The following MOV10L1 variants were observed in gnomAD, a reference collection of about 807,000 sequenced individuals.
The protein encoded by MOV10L1 is Mov10 like RNA helicase 1.
In MOV10L1, 110 loss-of-function variants were observed where a neutral mutation model predicts 143.8. That is an observed-to-expected ratio of 0.76 (90% CI 0.66 to 0.90). The LOEUF (loss-of-function observed/expected upper bound fraction) is 0.90. MOV10L1 is among the 40% of genes least tolerant of loss of function. The probability of loss-of-function intolerance (pLI) is 0.00; values close to 1 mark genes in which losing one functional copy is unlikely to be tolerated. For missense variants in MOV10L1, 1,406 were observed against 1,526.8 expected (o/e 0.92, Z 1.32); for synonymous variants, 593 against 581.1 (o/e 1.02, Z -0.29).
At chr22:50,118,098 A>C (rs538671526) in intron 9 of MOV10L1, among the ~76,000 whole-genome samples, 2 of 152,178 alleles carry the variant, frequency 1.3e-5, no homozygotes, top group African/African-American at 2.4e-5. Context: ...CTGAATTTCA[A>C]ATCACGTGTT....
intron 15 of MOV10L1, among the ~76,000 whole-genome samples, chr22:50,135,942 T>G (rs1384706469): frequency 6.6e-6 from 1 of 152,138 alleles, no homozygotes; most frequent in East Asian, 1.9e-4. Context: ...ACTTATTTTG[T>G]GCTATTCAAA....
At position 50,090,189 on chromosome 22, in the gene MOV10L1, G is replaced by A; in HGVS notation, c.97+4G>A. On this transcript the variant is annotated splice_donor_region_variant and intron_variant, in intron 1 of 26. Transcript: ENST00000262794. ...CTGGAGCCCGAGCTCGCGGAAGGTG[G>A]CTCGCGGGAGGCGGCTGGGAGGCGG... The A allele has an allele frequency of 7.1e-7, 1 of 1,416,688 alleles. No homozygotes were observed. The allele number at this position is 1,416,688 out of a possible 1,614,324, so 87.8% of individuals were successfully genotyped here.
In MOV10L1 at chr22:50,090,054, G is replaced by GCGGCGATGA. The variant is rs1555970921; in HGVS notation, c.-30_-29insATGACGGCG. The stretch of plus-strand genomic sequence containing the variant: ...GCGCGGGCGCGTGCGGGCGGCGGCA[G>GCGGCGATGA]CGGCGGTGACGGCAGCCTAGGCCGG... On this transcript the variant is annotated 5_prime_UTR_variant, in exon 1 of 27. The change creates a new upstream start codon in the 5' untranslated region. Transcript: ENST00000262794. 53 of 789,024 alleles carry GCGGCGATGA rather than the reference G, an allele frequency of 6.7e-5. No homozygotes were observed. The highest frequency in any genetic ancestry group is 7.5e-5 in the Non-Finnish European group (47 of 628,752). 48.9% of individuals were successfully genotyped at this position (789,024 alleles called of 1,614,324 possible).
intron 22 of MOV10L1, among the ~76,000 whole-genome samples, chr22:50,153,583 A>C (rs1266660474): frequency 6.6e-6 from 1 of 152,036 alleles, no homozygotes; most frequent in Non-Finnish European, 1.5e-5. Context: ...AGAGGCCACC[A>C]CCGCCTCCCT....
intron 2 of MOV10L1, chr22:50,095,222 A>C (rs923439605): frequency 2.0e-5 from 3 of 152,216 alleles, no homozygotes; most frequent in African/African-American, 7.2e-5. Context: ...TTCATGCTGC[A>C]GACCTGATGC....
At chr22:50,102,457 A>G (rs954632803) in intron 3 of MOV10L1, among the ~76,000 whole-genome samples, 3 of 152,220 alleles carry the variant, frequency 2.0e-5, no homozygotes, top group Non-Finnish European at 2.9e-5. Flanking sequence ...GAATTATGCT[A>G]AATTTTTCAT....
At chr22:50,117,087 C>A in intron 8 of MOV10L1, 70 bp from the exon 9 acceptor site, 1 of 1,447,186 alleles carries the variant, frequency 6.9e-7, no homozygotes, top group Non-Finnish European at 9.4e-7. Context: ...CTTGTATGTA[C>A]AAAGGAAAAT....
chr22:50,101,290 A>G (rs970726938), intron 3 of MOV10L1, among the ~76,000 whole-genome samples: 1 of 152,112 alleles, frequency 6.6e-6, no homozygotes, highest in African/African-American at 2.4e-5. Context: ...ATCTTGGCTT[A>G]CTTCAAGCTC....
At chr22:50,108,908 G>C in intron 5 of MOV10L1, 64 bp downstream of exon 5, 1 of 1,517,542 alleles carries the variant, frequency 6.6e-7, no homozygotes, top group South Asian at 1.2e-5. Flanking sequence ...ACTTTGGGAG[G>C]CTGAGGCAGA....
At chr22:50,107,069 GTTTTCTTTC>G (rs992455108) in intron 3 of MOV10L1, among the ~76,000 whole-genome samples, 8 of 150,708 alleles carry the variant, frequency 5.3e-5, no homozygotes, top group African/African-American at 1.7e-4. Flanking sequence ...AGTGTCTTCT[GTTTTCTTTC>G]TTTTCTTTTT....
chr22:50,105,971 C>T (rs577451128), intron 3 of MOV10L1, among the ~76,000 whole-genome samples: 3 of 152,334 alleles, frequency 2.0e-5, no homozygotes, highest in Admixed American at 6.5e-5. Context: ...GCTGTCTCAG[C>T]TTCCTGACCT....
In MOV10L1 at chr22:50,125,553, G is replaced by A. The variant is rs1213146887; in HGVS notation, c.1731G>A (p.Arg577=). The change falls in exon 11 of 27, where the codon AGG becomes AGA. Residue 577 remains arginine, a synonymous_variant. Transcript: ENST00000262794. The part of the protein sequence containing the change: ...VLEVPGLAEG[R]PSLYAGDKLI... ...AGGTCCCAGGGTTGGCCGAAGGGAG[G>A]CCTTCTCTCTACGCAGGTGTGTTTG... 3.7e-6 allele frequency: 6 copies of A among 1,614,120 alleles called. 1 individual carries two copies. In the South Asian group the frequency reaches 6.6e-5, roughly 18 times the overall value.
chr22:50,130,359 A>T (rs193275458), intron 13 of MOV10L1, among the ~76,000 whole-genome samples: 20 of 152,126 alleles, frequency 1.3e-4, no homozygotes, highest in East Asian at 3.9e-4. Flanking sequence ...AATTTATCAA[A>T]TTTTTTTTAA....
chr22:50,135,635 C>A (rs1413606101), intron 15 of MOV10L1, among the ~76,000 whole-genome samples: 1 of 151,218 alleles, frequency 6.6e-6, no homozygotes, highest in Non-Finnish European at 1.5e-5. Context: ...CCTGTAATCC[C>A]AGCTACTCAG....
intron 2 of MOV10L1, chr22:50,092,637 CAATA>C (rs931516050): frequency 3.8e-5 from 6 of 157,636 alleles, no homozygotes; most frequent in African/African-American, 1.2e-4. Context: ...GACCCTGTCT[CAATA>C]AATAAACAAA....
At position 50,152,191 on chromosome 22, in the gene MOV10L1, A is replaced by G. The variant is rs987823866; in HGVS notation, c.2893-854A>G. ...TCACCAACAGGGGCTTTGTTAACTC[A>G]TCCCAAGGAGGGAGAGCCCTAGGCT... On this transcript the variant is annotated intron_variant, in intron 21 of 26. Transcript: ENST00000262794. This position sits in a 1 kb window ranked among gnomAD's most constrained non-coding sequence, Gnocchi z 4.4. Among the ~76,000 whole-genome samples, 1 of 152,228 alleles carries G rather than the reference A, an allele frequency of 6.6e-6. No individual in the cohort carries two copies. The highest frequency in any genetic ancestry group is 2.4e-5 in the African/African-American group (1 of 41,458).
chr22:50,151,582 G>A (rs966546078), intron 21 of MOV10L1, among the ~76,000 whole-genome samples: 5 of 152,182 alleles, frequency 3.3e-5, no homozygotes, highest in African/African-American at 1.2e-4. Flanking sequence ...AGACAGGACC[G>A]GCTGTGCCAG....
At chr22:50,117,474 G>T in intron 9 of MOV10L1, 123 bp downstream of exon 9, 11 of 983,750 alleles carry the variant, frequency 1.1e-5, no homozygotes, top group Non-Finnish European at 1.6e-5. Context: ...GATGAAGCTG[G>T]GGTTCAAGCC....
intron 15 of MOV10L1, among the ~76,000 whole-genome samples, chr22:50,140,671 T>C (rs1214346053): frequency 6.6e-6 from 1 of 152,230 alleles, no homozygotes; most frequent in Non-Finnish European, 1.5e-5. Context: ...GGCCGCTGGT[T>C]GGACAAGCCT....
Sources: allele counts gnomAD v4.1 joint callset (sites outside exome capture counted in the v4.1 genomes callset), GRCh38; gene constraint gnomAD v4.1.1; non-coding constraint Gnocchi (gnomAD v3.1); transcripts MANE v1.5; gene names NCBI Gene and HGNC (gene_info 2026-07-23, HGNC 2026-07-21).